IFT43: variants seen among roughly 807,000 people sequenced by gnomAD.
The protein encoded by IFT43 is intraflagellar transport 43.
In IFT43, 33 loss-of-function variants were observed where a neutral mutation model predicts 32.3. The observed-to-expected ratio is 1.02, with a 90% confidence interval of 0.77 to 1.37. The LOEUF is 1.37. Ranked by LOEUF, IFT43 falls within the 40% of genes most tolerant of loss-of-function variation. IFT43 has a pLI of 0.00. For synonymous variants in IFT43, 93 were observed against 98.2 expected, an observed-to-expected ratio of 0.95 and a Z score of 0.31; for missense variants, 274 against 265.9, an observed-to-expected ratio of 1.03 and a Z score of -0.21.
chr14:75,986,009 T>C lies in IFT43; in HGVS notation c.54+169T>C. 5 of 1,526,792 alleles carry C rather than the reference T, an allele frequency of 3.3e-6. No individual in the cohort carries two copies. The South Asian group carries it at 4.8e-5, about 15-fold the overall frequency. 94.6% of individuals were successfully genotyped at this position (1,526,792 alleles called of 1,614,324 possible). ...GCCCCGCCCCCAGGCCACTGTGGGCTCCGCCGCTGCTGGCCTGGGGTTTGC... is the reference window on the plus strand; with the variant it reads ...GCCCCGCCCCCAGGCCACTGTGGGCCCCGCCGCTGCTGGCCTGGGGTTTGC... On this transcript the variant is annotated intron_variant, in intron 1 of 8. Transcript: ENST00000314067.
chr14:75,992,049 C>T (rs533904615), intron 2 of IFT43, among the ~76,000 whole-genome samples: 2 of 152,258 alleles, frequency 1.3e-5, no homozygotes, highest in South Asian at 2.1e-4. Flanking sequence ...TCCATGCAAA[C>T]GTAAATATGG....
At chr14:76,001,190 T>G (rs2035878668) in intron 2 of IFT43, among the ~76,000 whole-genome samples, 1 of 152,184 alleles carries the variant, frequency 6.6e-6, no homozygotes, top group Non-Finnish European at 1.5e-5. Flanking sequence ...GGATCCAGGT[T>G]TTATGAGTCC....
intron 3 of IFT43, among the ~76,000 whole-genome samples, chr14:76,024,297 A>G (rs2036348682): frequency 6.6e-6 from 1 of 152,194 alleles, no homozygotes; most frequent in African/African-American, 2.4e-5. Flanking sequence ...TTCCTACGAC[A>G]TACTCTCTCG....
chr14:76,062,474 T>G (rs2037154835), intron 5 of IFT43, among the ~76,000 whole-genome samples: 1 of 152,198 alleles, frequency 6.6e-6, no homozygotes, highest in Admixed American at 6.5e-5. Flanking sequence ...AAGACTGATA[T>G]ACAGACACTC....
intron 5 of IFT43, among the ~76,000 whole-genome samples, chr14:76,062,917 CAAAAAA>C (rs746158153): frequency 2.1e-3 from 153 of 72,478 alleles, no homozygotes; most frequent in Non-Finnish European, 2.6e-3. Context: ...GATCCCATCT[CAAAAAA>C]AAAAAAAAAA....
rs2036467339 is a variant in IFT43, at chr14:76,029,553, GA to G, written c.215+7160del. Among the ~76,000 whole-genome samples, 5 of 152,300 alleles carry G rather than the reference GA, an allele frequency of 3.3e-5. No homozygotes were observed. In the South Asian group the frequency reaches 8.3e-4, roughly 25 times the overall value. ...CTTTGCCAAAGCTGACATCCAGAAG[GA>G]TATTTCCTAGGCTTTCTTCTAGGAT... On this transcript the variant is annotated intron_variant, in intron 3 of 8. Transcript: ENST00000314067.
chr14:76,053,898 C>T (rs986972468), intron 3 of IFT43, among the ~76,000 whole-genome samples: 2 of 152,154 alleles, frequency 1.3e-5, no homozygotes, highest in African/African-American at 4.8e-5. Flanking sequence ...CGTACTTGGG[C>T]GTGAATTTCA....
At chr14:76,023,563 TA>T (rs988954219) in intron 3 of IFT43, among the ~76,000 whole-genome samples, 1 of 152,234 alleles carries the variant, frequency 6.6e-6, no homozygotes, top group African/African-American at 2.4e-5. Context: ...GAGATGCATT[TA>T]GGAAGCACTT....
intron 5 of IFT43, among the ~76,000 whole-genome samples, chr14:76,072,939 C>G (rs921296987): frequency 6.6e-6 from 1 of 152,304 alleles, no homozygotes; most frequent in African/African-American, 2.4e-5. Context: ...ACTTCTCCAC[C>G]TCCACACAGT....
At chr14:76,011,841 G>A (rs1022393430) in intron 2 of IFT43, among the ~76,000 whole-genome samples, 6 of 152,196 alleles carry the variant, frequency 3.9e-5, no homozygotes, top group Non-Finnish European at 8.8e-5. Context: ...AAGAAACTGG[G>A]AGAGTTGGAA....
chr14:76,000,791 C>G (rs1031694200), intron 2 of IFT43, among the ~76,000 whole-genome samples: 1 of 152,012 alleles, frequency 6.6e-6, no homozygotes, highest in Non-Finnish European at 1.5e-5. Context: ...GAGTTGAGCC[C>G]GCTTGTAGCT....
At chr14:76,060,756 T>G (rs1034212525) in intron 5 of IFT43, among the ~76,000 whole-genome samples, 4 of 152,164 alleles carry the variant, frequency 2.6e-5, no homozygotes, top group Non-Finnish European at 5.9e-5. Context: ...TTTTTTCTTT[T>G]AGCATTTTAA....
chr14:76,078,862 A>C (rs1449480896), intron 5 of IFT43, among the ~76,000 whole-genome samples: 1 of 152,090 alleles, frequency 6.6e-6, no homozygotes, highest in Non-Finnish European at 1.5e-5. Flanking sequence ...GGGCTAGTTT[A>C]ATAAGATAGG....
intron 3 of IFT43, among the ~76,000 whole-genome samples, chr14:76,033,516 T>C (rs1160565514): frequency 6.6e-6 from 1 of 152,156 alleles, no homozygotes; most frequent in African/African-American, 2.4e-5. Flanking sequence ...TGGTTTGGCT[T>C]CTTTTTTTTT....
intron 5 of IFT43, among the ~76,000 whole-genome samples, chr14:76,063,128 A>C (rs1217041462): frequency 3.9e-5 from 6 of 152,176 alleles, no homozygotes; most frequent in Non-Finnish European, 7.3e-5. Flanking sequence ...ACTCCAGCTG[A>C]GTGGAGCTGA....
chr14:76,057,510 C>T (rs144014187), intron 3 of IFT43, among the ~76,000 whole-genome samples: 13 of 151,350 alleles, frequency 8.6e-5, no homozygotes, highest in African/African-American at 2.2e-4. Context: ...GAATTACAGG[C>T]GTGAGCCACT....
chr14:76,056,620 C>A (rs189714752), intron 3 of IFT43, among the ~76,000 whole-genome samples: 1 of 152,348 alleles, frequency 6.6e-6, no homozygotes, highest in East Asian at 1.9e-4. Context: ...ACAACGAAGG[C>A]GCCAGCCTTC....
chr14:76,006,081 GA>G (rs540249312), intron 2 of IFT43, among the ~76,000 whole-genome samples: 4 of 151,940 alleles, frequency 2.6e-5, no homozygotes, highest in Non-Finnish European at 5.9e-5. Context: ...ATTAGCTATC[GA>G]GACAGAAAGT....
chr14:76,048,475 C>T (rs1017543807), intron 3 of IFT43, among the ~76,000 whole-genome samples: 5 of 152,290 alleles, frequency 3.3e-5, no homozygotes, highest in African/African-American at 1.2e-4. Context: ...TTGATGGATT[C>T]GGTCTCTCAA....
Sources: allele counts gnomAD v4.1 joint callset (sites outside exome capture counted in the v4.1 genomes callset), GRCh38; gene constraint gnomAD v4.1.1; transcripts MANE v1.5; gene names NCBI Gene and HGNC (gene_info 2026-07-23, HGNC 2026-07-21).